The following DNAAF9 variants were observed in gnomAD, a reference collection of about 807,000 sequenced individuals.
DNAAF9 encodes the protein shulin.
Under a neutral mutation model 167.0 loss-of-function variants are expected in DNAAF9, and 90 were observed. That is an observed-to-expected ratio of 0.54 (90% CI 0.45 to 0.64). The LOEUF is 0.64. Ranked by LOEUF, DNAAF9 falls within the 30% of genes least tolerant of loss-of-function variation. The probability of loss-of-function intolerance (pLI) is 0.00; values close to 1 mark genes in which losing one functional copy is unlikely to be tolerated. For missense variants in DNAAF9, 1,315 were observed against 1,442.2 expected, an observed-to-expected ratio of 0.91 and a Z score of 1.43; for synonymous variants, 491 against 508.8, an observed-to-expected ratio of 0.96 and a Z score of 0.47.
chr20:3,268,382 G>A (rs1216196539), intron 30 of DNAAF9, among the ~76,000 whole-genome samples: 3 of 151,448 alleles, frequency 2.0e-5, no homozygotes, highest in Non-Finnish European at 1.5e-5. Context: ...CACCTGGAGT[G>A]CAATGGTACG....
At chr20:3,361,595 G>C (rs2083366035) in intron 6 of DNAAF9, among the ~76,000 whole-genome samples, 1 of 152,170 alleles carries the variant, frequency 6.6e-6, no homozygotes, top group African/African-American at 2.4e-5. Context: ...TGCCCCACCA[G>C]TTATGATGGT....
intron 3 of DNAAF9, among the ~76,000 whole-genome samples, chr20:3,378,230 T>C (rs573661461): frequency 4.7e-4 from 71 of 152,144 alleles, no homozygotes; most frequent in Admixed American, 6.5e-4. Flanking sequence ...CAGTGACTAG[T>C]TGTCCCTCAG....
intron 3 of DNAAF9, 146 bp downstream of exon 3, chr20:3,381,233 C>T (rs543664251): frequency 5.2e-6 from 3 of 576,954 alleles, no homozygotes; most frequent in South Asian, 7.2e-5. Context: ...GAAAAAATGC[C>T]GTTTTTTTCA....
intron 1 of DNAAF9, among the ~76,000 whole-genome samples, chr20:3,392,546 C>A (rs1237879042): frequency 2.0e-5 from 3 of 152,210 alleles, no homozygotes; most frequent in Non-Finnish European, 4.4e-5. Flanking sequence ...TTCTGCTGAA[C>A]CCCACTGTTT....
At chr20:3,258,161 C>T (rs1288364709) in intron 33 of DNAAF9, among the ~76,000 whole-genome samples, 2 of 150,216 alleles carry the variant, frequency 1.3e-5, no homozygotes, top group African/African-American at 2.5e-5. Context: ...CCACTGCACC[C>T]AGCCAAAAAA....
At chr20:3,368,989 C>T (rs1480706740) in intron 6 of DNAAF9, among the ~76,000 whole-genome samples, 1 of 152,008 alleles carries the variant, frequency 6.6e-6, no homozygotes, top group Admixed American at 6.5e-5. Flanking sequence ...ATTAGCCAGG[C>T]ATGGTGGAGC....
At chr20:3,295,730 C>T (rs879230355) in intron 23 of DNAAF9, 17 of 624,604 alleles carry the variant, frequency 2.7e-5, no homozygotes, top group East Asian at 1.5e-4. Flanking sequence ...TGGCATAACG[C>T]GTGATGTAGT....
chr20:3,383,032 A>C (rs1294871126), intron 1 of DNAAF9, among the ~76,000 whole-genome samples: 3 of 152,086 alleles, frequency 2.0e-5, no homozygotes, highest in African/African-American at 7.2e-5. Flanking sequence ...ACTTGCTTCC[A>C]TTTCTGTGTA....
intron 33 of DNAAF9, among the ~76,000 whole-genome samples, chr20:3,258,785 G>A (rs533421227): frequency 1.3e-5 from 2 of 152,194 alleles, no homozygotes; most frequent in African/African-American, 4.8e-5. Flanking sequence ...CTGAGTGGGG[G>A]TTCTCTGTGA....
intron 22 of DNAAF9, 68 bp from the exon 23 acceptor site, chr20:3,297,017 G>C (rs2069092842): frequency 1.2e-6 from 1 of 845,670 alleles, no homozygotes; most frequent in African/African-American, 1.7e-5. Flanking sequence ...GCCACATGGG[G>C]ATTTGATGGT....
chr20:3,283,760 A>C (rs1489788667), intron 27 of DNAAF9, among the ~76,000 whole-genome samples: 1 of 151,996 alleles, frequency 6.6e-6, no homozygotes, highest in African/African-American at 2.4e-5. Context: ...TGCAAACATA[A>C]AACAGCCTAC....
At position 3,315,004 on chromosome 20, in the gene DNAAF9, C is replaced by T. The variant is rs2069478217; in HGVS notation, c.1678+29G>A. 2 of 1,380,102 alleles carry T rather than the reference C, an allele frequency of 1.4e-6. No homozygotes were observed. Among genetic ancestry groups the T allele is most frequent in the Non-Finnish European group, 2.1e-6 (2 of 970,750 alleles). The allele number at this position is 1,380,102 out of a possible 1,614,324, so 85.5% of individuals were successfully genotyped here. A position where few individuals can be genotyped will look rare whatever the true frequency, so the allele number is the denominator to read the frequency against. On this transcript the variant is annotated intron_variant, in intron 20 of 36. Transcript: ENST00000252032. The surrounding 1 kb of genome is among the most constrained non-coding windows in gnomAD (Gnocchi z 4.1). The stretch of plus-strand genomic sequence containing the variant: ...CTGCAAATGAGGGACCCAGACATGG[C>T]CAAAAACATTAAAGTCATAGCTCCT...
intron 18 of DNAAF9, chr20:3,316,067 GA>G (rs1568599807): frequency 2.1e-6 from 1 of 476,318 alleles, no homozygotes; most frequent in Non-Finnish European, 3.7e-6. Context: ...TTTCACTTCA[GA>G]AAAAAACAAC....
chr20:3,281,625 C>A lies in DNAAF9; in HGVS notation c.2612+16G>T. The A allele has an allele frequency of 1.3e-6, 2 of 1,595,172 alleles. No homozygotes were observed. The highest frequency in any genetic ancestry group is 2.3e-5 in the South Asian group (2 of 87,500). ...AATCACTTTCAGTACACTTACACAC[C>A]ATATCCTGTATCTACCTGTGCTCCA... On this transcript the variant is annotated intron_variant, in intron 28 of 36. Transcript: ENST00000252032.
rs923891136 is a variant in DNAAF9 at position 3,316,581 on chromosome 20, G to A, written c.1539+142C>T. The A allele has an allele frequency of 3.0e-5, 17 of 559,532 alleles. 1 individual carries two copies. In the Admixed American group the frequency reaches 3.7e-4, roughly 12 times the overall value. 34.7% of individuals were successfully genotyped at this position (559,532 alleles called of 1,614,324 possible). On this transcript the variant is annotated intron_variant, in intron 18 of 36. Transcript: ENST00000252032. Reference sequence around the variant, plus strand: ...TTCATTTGTATAAAGAGAAAGGGCTGGGATCAAAAATTCCATTCCTGAACA... The same window carrying A: ...TTCATTTGTATAAAGAGAAAGGGCTAGGATCAAAAATTCCATTCCTGAACA...
At chr20:3,306,888 T>C in intron 20 of DNAAF9, 1 of 985,026 alleles carries the variant, frequency 1.0e-6, no homozygotes, top group Non-Finnish European at 1.2e-6. Flanking sequence ...ACTTACTGTT[T>C]CCAGAGATAA....
intron 6 of DNAAF9, among the ~76,000 whole-genome samples, chr20:3,371,442 C>T (rs1040323328): frequency 6.7e-5 from 10 of 149,144 alleles, no homozygotes; most frequent in African/African-American, 1.2e-4. Flanking sequence ...CTCCCGGGTT[C>T]CCGCCATTCT....
chr20:3,258,942 C>T (rs2068329944), intron 33 of DNAAF9, among the ~76,000 whole-genome samples: 1 of 152,234 alleles, frequency 6.6e-6, no homozygotes, highest in African/African-American at 2.4e-5. Context: ...GAATACTGTA[C>T]CTTTCCTCAA....
intron 1 of DNAAF9, among the ~76,000 whole-genome samples, chr20:3,383,982 TAAG>T (rs2083698850): frequency 6.6e-6 from 1 of 151,732 alleles, no homozygotes; most frequent in Non-Finnish European, 1.5e-5. Flanking sequence ...TACTTTTTAG[TAAG>T]AAGGTTTCAC....
Sources: gnomAD v4.1 joint callset for allele counts (sites outside exome capture counted in the v4.1 genomes callset) on GRCh38, gnomAD v4.1.1 for gene constraint, Gnocchi (gnomAD v3.1) non-coding constraint, MANE v1.5 for transcripts, NCBI Gene and HGNC (gene_info 2026-07-23, HGNC 2026-07-21) for gene names.